NEDD4L: variants seen among roughly 807,000 people sequenced by gnomAD.
NEDD4L encodes the protein E3 ubiquitin-protein ligase NEDD4-like.
In NEDD4L, 54 loss-of-function variants were observed where a neutral mutation model predicts 148.9. The observed-to-expected ratio is 0.36, with a 90% CI of 0.29 to 0.45. NEDD4L has a LOEUF of 0.45. Among genes scored for constraint, NEDD4L ranks in the 20% least tolerant of loss-of-function variants. NEDD4L has a pLI of 1.00. For synonymous variants in NEDD4L, 433 were observed against 440.7 expected (o/e 0.98, Z 0.22); for missense variants, 856 against 1,233.8 (o/e 0.69, Z 4.59).
At chr18:58,365,018 G>A (rs998940271) in intron 20 of NEDD4L, among the ~76,000 whole-genome samples, 6 of 152,080 alleles carry the variant, frequency 3.9e-5, no homozygotes, top group African/African-American at 1.4e-4. Flanking sequence ...CCTCTAGGGA[G>A]GGGAGAGAAG....
intron 1 of NEDD4L, among the ~76,000 whole-genome samples, chr18:58,107,859 C>T (rs1313102442): frequency 2.6e-5 from 4 of 152,166 alleles, no homozygotes; most frequent in African/African-American, 7.2e-5. Context: ...ACTACAGGTA[C>T]GCATGCCACT....
intron 21 of NEDD4L, 57 bp from the exon 22 acceptor site, chr18:58,367,689 T>C (rs1864449325): frequency 1.9e-6 from 3 of 1,603,162 alleles, no homozygotes; most frequent in Non-Finnish European, 2.6e-6. Context: ...CAAACAAATA[T>C]GCAAAATCTT....
intron 5 of NEDD4L, among the ~76,000 whole-genome samples, chr18:58,264,912 T>G (rs888397128): frequency 1.3e-5 from 2 of 152,128 alleles, no homozygotes; most frequent in African/African-American, 4.8e-5. Context: ...TGAAGCCCTA[T>G]CCTTCTTGAC....
chr18:58,308,549 A>G (rs1251483752), intron 5 of NEDD4L, among the ~76,000 whole-genome samples: 1 of 152,212 alleles, frequency 6.6e-6, no homozygotes, highest in Non-Finnish European at 1.5e-5. Flanking sequence ...ATCTGTAACC[A>G]AGCACATCTG....
intron 5 of NEDD4L, among the ~76,000 whole-genome samples, chr18:58,286,358 T>C (rs1360056184): frequency 6.6e-6 from 1 of 152,188 alleles, no homozygotes; most frequent in African/African-American, 2.4e-5. Context: ...TAACTGGACA[T>C]TGGAAAAAAT....
chr18:58,109,548 G>A (rs1180363079), intron 1 of NEDD4L, among the ~76,000 whole-genome samples: 2 of 150,676 alleles, frequency 1.3e-5, no homozygotes, highest in Non-Finnish European at 3.0e-5. Flanking sequence ...CAGGCTTTGG[G>A]AACAACTAGG....
At chr18:58,178,906 A>C (rs903449293) in intron 2 of NEDD4L, among the ~76,000 whole-genome samples, 4 of 152,244 alleles carry the variant, frequency 2.6e-5, no homozygotes. Context: ...AAACATGTGG[A>C]AGAAATACTG....
At chr18:58,053,058 A>G (rs560999669) in intron 1 of NEDD4L, among the ~76,000 whole-genome samples, 2 of 152,302 alleles carry the variant, frequency 1.3e-5, no homozygotes, top group African/African-American at 4.8e-5. Context: ...TGAACAAACC[A>G]AGGGAACTGT....
chr18:58,306,183 C>A (rs1442138038), intron 5 of NEDD4L, among the ~76,000 whole-genome samples: 2 of 151,812 alleles, frequency 1.3e-5, no homozygotes, highest in African/African-American at 4.8e-5. Flanking sequence ...AAAATGATTT[C>A]TCTAGAATTG....
chr18:58,328,059 G>A (rs2059458924), intron 9 of NEDD4L, among the ~76,000 whole-genome samples: 1 of 151,850 alleles, frequency 6.6e-6, no homozygotes, highest in Non-Finnish European at 1.5e-5. Context: ...CTGCCTCCTG[G>A]GCTCAAGTGA....
At chr18:58,384,254 C>A (rs143579432) in intron 25 of NEDD4L, among the ~76,000 whole-genome samples, 1 of 152,178 alleles carries the variant, frequency 6.6e-6, no homozygotes, top group Non-Finnish European at 1.5e-5. Context: ...AGAAACGGAG[C>A]GTGTTAGAGT....
chr18:58,294,398 C>G (rs921194884), intron 5 of NEDD4L, among the ~76,000 whole-genome samples: 19 of 152,130 alleles, frequency 1.2e-4, no homozygotes, highest in African/African-American at 4.1e-4. Context: ...CTGAATGGCT[C>G]TAAATTCAGT....
At chr18:58,269,318 G>A (rs1432778412) in intron 5 of NEDD4L, among the ~76,000 whole-genome samples, 2 of 152,016 alleles carry the variant, frequency 1.3e-5, no homozygotes, top group African/African-American at 2.4e-5. Flanking sequence ...CTAGGTTCTT[G>A]CACATCTTTG....
At chr18:58,243,063 T>C (rs917071671) in intron 2 of NEDD4L, among the ~76,000 whole-genome samples, 4 of 152,196 alleles carry the variant, frequency 2.6e-5, no homozygotes, top group Non-Finnish European at 4.4e-5. Flanking sequence ...ATGTGTCGAT[T>C]ATTGTGAGCT....
At chr18:58,199,592 AG>A (rs1257664495) in intron 2 of NEDD4L, among the ~76,000 whole-genome samples, 2 of 152,176 alleles carry the variant, frequency 1.3e-5, no homozygotes. Context: ...ACCATGTTTA[AG>A]TTTAAGTTCA....
At chr18:58,286,347 C>G (rs574573723) in intron 5 of NEDD4L, among the ~76,000 whole-genome samples, 1 of 152,284 alleles carries the variant, frequency 6.6e-6, no homozygotes, top group Admixed American at 6.5e-5. Flanking sequence ...ATTTAAGATG[C>G]TAACTGGACA....
chr18:58,293,878 A>G (rs1356037548), intron 5 of NEDD4L, among the ~76,000 whole-genome samples: 3 of 152,110 alleles, frequency 2.0e-5, no homozygotes, highest in African/African-American at 7.2e-5. Flanking sequence ...ACATGCCACC[A>G]TGCCTGACTA....
intron 1 of NEDD4L, among the ~76,000 whole-genome samples, chr18:58,105,682 T>C (rs772428254): frequency 6.6e-6 from 1 of 152,202 alleles, no homozygotes; most frequent in Non-Finnish European, 1.5e-5. Flanking sequence ...GTATGGCTCA[T>C]GGTCTGATAT....
intron 1 of NEDD4L, among the ~76,000 whole-genome samples, chr18:58,064,304 G>C (rs1456347511): frequency 1.3e-5 from 2 of 152,118 alleles, no homozygotes; most frequent in East Asian, 3.8e-4. Flanking sequence ...AAAGAACAAG[G>C]ATGTTTATAG....
Sources: allele counts gnomAD v4.1 joint callset (sites outside exome capture counted in the v4.1 genomes callset), GRCh38; gene constraint gnomAD v4.1.1; transcripts MANE v1.5; gene names NCBI Gene and HGNC (gene_info 2026-07-23, HGNC 2026-07-21).